Variants in PRKN observed in about 807,000 individuals in gnomAD.
The protein encoded by PRKN is parkin RBR E3 ubiquitin protein ligase.
PRKN carries 56 observed loss-of-function variants against 59.5 expected under a neutral mutation model. That is an observed-to-expected ratio of 0.94 (90% CI 0.76 to 1.18). The LOEUF is 1.18. Among genes scored for constraint, PRKN ranks in the 50% most tolerant of loss-of-function variants. The pLI is 0.00. For synonymous variants in PRKN, 250 were observed against 222.1 expected, an observed-to-expected ratio of 1.13 and a Z score of -1.12; for missense variants, 657 against 596.4, an observed-to-expected ratio of 1.10 and a Z score of -1.06.
chr6:161,548,323 T>C lies in PRKN; in HGVS notation c.1083+531A>G, dbSNP rs1779867406. 6.6e-6 allele frequency among the ~76,000 whole-genome samples: 1 copy of C among 152,236 alleles called. No individual in the cohort carries two copies. The highest frequency in any genetic ancestry group is 2.4e-5 in the African/African-American group (1 of 41,466). The stretch of plus-strand genomic sequence containing the variant: ...CTCTTAGAACAAACATTTTCCACAT[T>C]TCTTATTCTGCTTCCATAAGAGACA... On this transcript the variant is annotated intron_variant, in intron 9 of 11. Coordinates refer to ENST00000366898, the MANE Select transcript of PRKN (RefSeq NM_004562.3). This position sits in a 1 kb window ranked among gnomAD's most constrained non-coding sequence, Gnocchi z 4.2.
intron 4 of PRKN, among the ~76,000 whole-genome samples, chr6:162,076,298 C>A (rs112446071): frequency 6.4e-4 from 97 of 152,158 alleles, no homozygotes; most frequent in Middle Eastern, 3.4e-3. Context: ...CCAAAAAAAA[C>A]CAAATAAGAT....
rs1050830002 is a variant in PRKN, at chr6:161,483,737, A to G, written c.1083+65117T>C. The stretch of plus-strand genomic sequence containing the variant: ...GGGAGTGGCATAGTGAGATCCTGGC[A>G]GGAGCACTGTTCACAATAGCAAAGA... On this transcript the variant is annotated intron_variant, in intron 9 of 11. Coordinates refer to ENST00000366898, the MANE Select transcript of PRKN (RefSeq NM_004562.3). This position sits in a 1 kb window ranked among gnomAD's most constrained non-coding sequence, Gnocchi z 5.0. Among the ~76,000 whole-genome samples the G allele has an allele frequency of 6.6e-6, 1 of 152,182 alleles. No homozygotes were observed. Among genetic ancestry groups the G allele is most frequent in the Non-Finnish European group, 1.5e-5 (1 of 68,046 alleles).
chr6:161,853,929 C>G (rs1292948799), intron 6 of PRKN, among the ~76,000 whole-genome samples: 1 of 151,898 alleles, frequency 6.6e-6, no homozygotes, highest in Non-Finnish European at 1.5e-5. Context: ...TGACAACGAA[C>G]ACAAAAGAAC....
At chr6:162,481,556 C>T (rs62428781) in intron 1 of PRKN, among the ~76,000 whole-genome samples, 35,424 of 151,972 alleles carry the variant, frequency 0.23, 5,197 homozygotes, top group African/African-American at 0.41. Context: ...TAAAATTAAC[C>T]AGCATGATAT....
chr6:162,718,543 A>G (rs1337118189), intron 1 of PRKN, among the ~76,000 whole-genome samples: 1 of 151,962 alleles, frequency 6.6e-6, no homozygotes, highest in African/African-American at 2.4e-5. Context: ...TACCCCGTCT[A>G]TACTAAAAAT....
intron 5 of PRKN, among the ~76,000 whole-genome samples, chr6:162,002,335 A>C (rs1583464388): frequency 1.3e-5 from 2 of 152,172 alleles, no homozygotes; most frequent in South Asian, 4.2e-4. Flanking sequence ...AATTTTTAAG[A>C]TAGGTACCAT....
At chr6:161,537,533 G>T (rs1390706797) in intron 9 of PRKN, among the ~76,000 whole-genome samples, 1 of 151,280 alleles carries the variant, frequency 6.6e-6, no homozygotes, top group Non-Finnish European at 1.5e-5. Context: ...CTCACTGCAA[G>T]CTCTGCCTCC....
chr6:162,393,003 C>CATGATGCTTG (rs1460028832), intron 2 of PRKN, among the ~76,000 whole-genome samples: 1 of 151,996 alleles, frequency 6.6e-6, no homozygotes, highest in Admixed American at 6.6e-5. Context: ...GCAGCAATTC[C>CATGATGCTTG]ATGATGCTTG....
intron 1 of PRKN, among the ~76,000 whole-genome samples, chr6:162,451,974 C>A (rs1244712495): frequency 6.6e-6 from 1 of 152,008 alleles, no homozygotes; most frequent in African/African-American, 2.4e-5. Flanking sequence ...AGACAAGGAA[C>A]AAGCTTTGAA....
At chr6:162,090,111 C>A (rs1326879985) in intron 4 of PRKN, among the ~76,000 whole-genome samples, 1 of 151,972 alleles carries the variant, frequency 6.6e-6, no homozygotes, top group Non-Finnish European at 1.5e-5. Context: ...CATAAGCCAG[C>A]CTAAAAGTGC....
At chr6:162,545,008 T>G (rs1183530174) in intron 1 of PRKN, among the ~76,000 whole-genome samples, 1 of 147,776 alleles carries the variant, frequency 6.8e-6, no homozygotes, top group African/African-American at 2.5e-5. Flanking sequence ...AATTGTCAGC[T>G]GGGCATGGTG....
intron 9 of PRKN, among the ~76,000 whole-genome samples, chr6:161,482,484 C>A (rs1791448299): frequency 2.0e-5 from 3 of 152,222 alleles, no homozygotes; most frequent in Admixed American, 1.3e-4. Context: ...TGACTAAGTT[C>A]TTTAAGGGAG....
intron 1 of PRKN, among the ~76,000 whole-genome samples, chr6:162,664,169 T>G (rs1464709314): frequency 6.6e-6 from 1 of 152,122 alleles, no homozygotes. Context: ...CTGTGTTAGT[T>G]TGCTGAGGAT....
chr6:161,767,374 G>A (rs1201865700), intron 7 of PRKN, among the ~76,000 whole-genome samples: 6 of 152,142 alleles, frequency 3.9e-5, no homozygotes, highest in South Asian at 2.1e-4. Context: ...AAAATTAGTC[G>A]GGTGTGGTGG....
At chr6:162,307,126 G>A (rs1183275819) in intron 2 of PRKN, among the ~76,000 whole-genome samples, 3 of 152,170 alleles carry the variant, frequency 2.0e-5, no homozygotes, top group African/African-American at 7.2e-5. Flanking sequence ...GCGGGATGGT[G>A]TGGTGGCTTG....
chr6:161,365,314 T>C (rs1415207584), intron 10 of PRKN, among the ~76,000 whole-genome samples: 1 of 152,222 alleles, frequency 6.6e-6, no homozygotes, highest in Non-Finnish European at 1.5e-5. Flanking sequence ...TTAGCACTTA[T>C]CTGGGAGGCC....
chr6:161,631,705 C>T (rs1455783804), intron 7 of PRKN, among the ~76,000 whole-genome samples: 2 of 151,848 alleles, frequency 1.3e-5, no homozygotes, highest in Non-Finnish European at 2.9e-5. Context: ...GAGGAATATC[C>T]TCCTCTTCTT....
At chr6:161,979,570 G>A (rs966110019) in intron 5 of PRKN, among the ~76,000 whole-genome samples, 8 of 152,114 alleles carry the variant, frequency 5.3e-5, no homozygotes, top group African/African-American at 7.2e-5. Flanking sequence ...CACTGCGCCC[G>A]GACCGTTTTC....
chr6:161,703,841 T>C (rs9355925), intron 7 of PRKN, among the ~76,000 whole-genome samples: 154 of 7,640 alleles, frequency 0.02, 7 homozygotes, highest in African/African-American at 0.091. Context: ...CTCTCTCTCT[T>C]TTTTTTTTTT....
Sources: allele counts gnomAD v4.1 joint callset (sites outside exome capture counted in the v4.1 genomes callset), GRCh38; gene constraint gnomAD v4.1.1; non-coding constraint Gnocchi (gnomAD v3.1); transcripts MANE v1.5; gene names NCBI Gene and HGNC (gene_info 2026-07-23, HGNC 2026-07-21).